NLK: variants seen among roughly 807,000 people sequenced by gnomAD.
The protein encoded by NLK is nemo like kinase.
A neutral mutation model predicts 59.0 loss-of-function variants in NLK; 11 were observed. The observed-to-expected ratio is 0.19, with a 90% CI of 0.12 to 0.31. The LOEUF (loss-of-function observed/expected upper bound fraction) is 0.31. Ranked by LOEUF, NLK falls within the 10% of genes least tolerant of loss-of-function variation. The pLI, the probability that NLK is intolerant of heterozygous loss-of-function variation, is 1.00. For missense variants in NLK, 410 were observed against 661.1 expected (o/e 0.62, Z 4.16); for synonymous variants, 235 against 235.9 (o/e 1.00, Z 0.03).
Position 28,073,286 on chromosome 17 carries a change from G to A in NLK, c.458+29955G>A, listed in dbSNP as rs188812005. Among the ~76,000 whole-genome samples, 242 of 152,234 alleles carry A rather than the reference G, an allele frequency of 1.6e-3. 2 individuals are homozygous for A. The Middle Eastern group carries it at 0.027, about 17-fold the overall frequency. On this transcript the variant is annotated intron_variant, in intron 1 of 10. Coordinates refer to ENST00000407008, the MANE Select transcript of NLK (RefSeq NM_016231.5). The stretch of plus-strand genomic sequence containing the variant: ...ACTTACTAAGGATGCAGACTTTTGG[G>A]AGGCTTCTAGCATATTTGTAAAGGT...
At chr17:28,193,185 G>A (rs950861325) in intron 10 of NLK, among the ~76,000 whole-genome samples, 1 of 152,204 alleles carries the variant, frequency 6.6e-6, no homozygotes, top group African/African-American at 2.4e-5. Context: ...GATTCTGAAG[G>A]CTGCTGAAGT....
At position 28,144,418 on chromosome 17, in the gene NLK, A is replaced by G. The variant is rs368115066; in HGVS notation, c.644+11743A>G. 4.3e-4 allele frequency among the ~76,000 whole-genome samples: 64 copies of G among 149,576 alleles called. No individual in the cohort carries two copies. The East Asian group carries it at 6.4e-3, about 15-fold the overall frequency. On this transcript the variant is annotated intron_variant, in intron 3 of 10. Transcript: ENST00000407008. ...AGCCAAAAAAAAAAAAAAAAAAACT[A>G]AAGCTTGAATCTAGTCTTTTCACCT...
At chr17:28,131,930 T>C (rs1254402226) in intron 2 of NLK, among the ~76,000 whole-genome samples, 1 of 152,180 alleles carries the variant, frequency 6.6e-6, no homozygotes, top group African/African-American at 2.4e-5. Context: ...TCTTCTACTT[T>C]ATGTTAGTCT....
At chr17:28,182,232 G>T (rs1395804858) in intron 7 of NLK, among the ~76,000 whole-genome samples, 1 of 152,050 alleles carries the variant, frequency 6.6e-6, no homozygotes, top group East Asian at 1.9e-4. Flanking sequence ...ACCTCCTGAT[G>T]ATTCTGAGGT....
chr17:28,152,607 C>A (rs1907525598), intron 3 of NLK, among the ~76,000 whole-genome samples: 1 of 152,094 alleles, frequency 6.6e-6, no homozygotes, highest in Admixed American at 6.5e-5. Context: ...GCTGACATCC[C>A]ATACACATAA....
intron 1 of NLK, among the ~76,000 whole-genome samples, chr17:28,088,228 TTAGA>T (rs1240269765): frequency 1.3e-5 from 2 of 152,234 alleles, no homozygotes; most frequent in East Asian, 3.8e-4. Flanking sequence ...GACTACTTCA[TTAGA>T]TAGTACAAGT....
intron 1 of NLK, among the ~76,000 whole-genome samples, chr17:28,118,828 G>C (rs1597691961): frequency 6.6e-6 from 1 of 152,116 alleles, no homozygotes; most frequent in Admixed American, 6.5e-5. Context: ...TCTTTCTCAC[G>C]ACTCTTAAAC....
chr17:28,161,369 T>A, intron 4 of NLK, 103 bp downstream of exon 4: 1 of 626,612 alleles, frequency 1.6e-6, no homozygotes, highest in Non-Finnish European at 2.8e-6. Context: ...TCTTCTTCTC[T>A]AAAGACTTTT....
chr17:28,054,701 G>C (rs997606065), intron 1 of NLK, among the ~76,000 whole-genome samples: 1 of 152,146 alleles, frequency 6.6e-6, no homozygotes, highest in African/African-American at 2.4e-5. Flanking sequence ...ATAATTTACA[G>C]GAACTTTTAG....
intron 1 of NLK, among the ~76,000 whole-genome samples, chr17:28,043,698 T>G (rs1040360796): frequency 6.6e-6 from 1 of 152,070 alleles, no homozygotes; most frequent in Non-Finnish European, 1.5e-5. Context: ...TGGCATTAAG[T>G]GTTAGCACCT....
chr17:28,095,796 C>T (rs989325781), intron 1 of NLK, among the ~76,000 whole-genome samples: 12 of 152,166 alleles, frequency 7.9e-5, no homozygotes, highest in African/African-American at 2.9e-4. Context: ...TTTACATTAA[C>T]AGTACAACCA....
At chr17:28,201,091 G>GT (rs1043071678), downstream of NLK, among the ~76,000 whole-genome samples, 45 of 152,064 alleles carry the variant, frequency 3.0e-4, no homozygotes, top group Non-Finnish European at 4.6e-4. Context: ...ATCACACTTT[G>GT]TTTTTTTAGA....
intron 1 of NLK, among the ~76,000 whole-genome samples, chr17:28,104,085 AGT>A (rs1236507862): frequency 6.6e-6 from 1 of 152,160 alleles, no homozygotes; most frequent in Non-Finnish European, 1.5e-5. Flanking sequence ...GTGGTCTTGG[AGT>A]AGAAGTATGT....
intron 7 of NLK, among the ~76,000 whole-genome samples, chr17:28,180,153 C>G (rs1244175502): frequency 1.3e-5 from 2 of 152,058 alleles, no homozygotes; most frequent in African/African-American, 4.8e-5. Context: ...TGTAATATGG[C>G]TGTTCTAGGC....
At chr17:28,205,906 A>G in the NLK span, among the ~76,000 whole-genome samples, 2 of 152,200 alleles carry the variant, frequency 1.3e-5, no homozygotes, top group African/African-American at 4.8e-5. Flanking sequence ...TGGAAATTTG[A>G]TAAGAGAGCA....
At chr17:28,186,798 AT>A (rs780470334) in intron 8 of NLK, among the ~76,000 whole-genome samples, 5 of 152,178 alleles carry the variant, frequency 3.3e-5, no homozygotes, top group Non-Finnish European at 7.3e-5. Context: ...TCAAGATGAG[AT>A]TTGGGTGGGG....
At chr17:28,137,630 TATC>T (rs1162933847) in intron 3 of NLK, among the ~76,000 whole-genome samples, 3 of 152,156 alleles carry the variant, frequency 2.0e-5, no homozygotes, top group African/African-American at 7.2e-5. Context: ...CGGTGTATAG[TATC>T]ATGCAGTTAA....
At chr17:28,055,236 G>T (rs933068660) in intron 1 of NLK, among the ~76,000 whole-genome samples, 1 of 151,642 alleles carries the variant, frequency 6.6e-6, no homozygotes, top group Admixed American at 6.6e-5. Context: ...GGGACTACAC[G>T]CACACGCCAC....
chr17:28,162,776 G>A (rs1026505755), intron 4 of NLK, among the ~76,000 whole-genome samples: 7 of 152,114 alleles, frequency 4.6e-5, no homozygotes, highest in African/African-American at 1.7e-4. Flanking sequence ...CCCATTAGCC[G>A]GATATGGTGG....
Sources: gnomAD v4.1 joint callset for allele counts (sites outside exome capture counted in the v4.1 genomes callset) on GRCh38, gnomAD v4.1.1 for gene constraint, MANE v1.5 for transcripts, NCBI Gene and HGNC (gene_info 2026-07-23, HGNC 2026-07-21) for gene names.